Variants in MAGI2 observed in about 807,000 individuals in gnomAD.
MAGI2 encodes the protein membrane associated guanylate kinase, WW and PDZ domain containing 2, also known as membrane-associated guanylate kinase, WW and PDZ domain-containing protein 2.
In MAGI2, 35 loss-of-function variants were observed where a neutral mutation model predicts 133.3. That is an observed-to-expected ratio of 0.26 (90% CI 0.20 to 0.35). The LOEUF (loss-of-function observed/expected upper bound fraction) is 0.35. Among genes scored for constraint, MAGI2 ranks in the 10% least tolerant of loss-of-function variants. The probability of loss-of-function intolerance (pLI) is 1.00; values close to 1 mark genes in which losing one functional copy is unlikely to be tolerated. For missense variants in MAGI2, 1,636 were observed against 1,863.4 expected, an observed-to-expected ratio of 0.88 and a Z score of 2.25; for synonymous variants, 729 against 710.6, an observed-to-expected ratio of 1.03 and a Z score of -0.41.
intron 2 of MAGI2, among the ~76,000 whole-genome samples, chr7:78,640,879 G>A (rs1317136351): frequency 6.6e-6 from 1 of 152,216 alleles, no homozygotes; most frequent in Non-Finnish European, 1.5e-5. Context: ...GATATAGTTT[G>A]GCTGTGTCCC....
chr7:79,053,886 G>A (rs1812903025), intron 1 of MAGI2, among the ~76,000 whole-genome samples: 2 of 152,070 alleles, frequency 1.3e-5, no homozygotes, highest in Non-Finnish European at 2.9e-5. Context: ...GAACTTGTTT[G>A]AATTTTTTGT....
At chr7:78,769,786 C>A (rs779922147) in intron 2 of MAGI2, among the ~76,000 whole-genome samples, 4 of 152,186 alleles carry the variant, frequency 2.6e-5, no homozygotes, top group Non-Finnish European at 5.9e-5. Context: ...AAAGAGTCCC[C>A]ATTACAAATG....
chr7:78,925,292 G>T (rs545298489), intron 2 of MAGI2, among the ~76,000 whole-genome samples: 4 of 152,112 alleles, frequency 2.6e-5, no homozygotes, highest in East Asian at 3.9e-4. Flanking sequence ...AAAGGTAAAT[G>T]ATTTCTGCCT....
Position 78,448,695 on chromosome 7 carries a change from C to G in MAGI2, c.1045+41066G>C, listed in dbSNP as rs552257049. 1.2e-3 allele frequency among the ~76,000 whole-genome samples: 183 copies of G among 152,154 alleles called. 1 individual carries two copies. Among genetic ancestry groups the G allele is most frequent in the African/African-American group, 4.1e-3 (171 of 41,540 alleles). On this transcript the variant is annotated intron_variant, in intron 6 of 21. Transcript: ENST00000354212. Reference sequence around the variant, plus strand: ...GAGACCTTCTCATGTTAGCTCCATTCTCTATATTTTATACAATAATTTAAA... The same window carrying G: ...GAGACCTTCTCATGTTAGCTCCATTGTCTATATTTTATACAATAATTTAAA...
At chr7:78,140,183 A>G (rs966618110) in intron 16 of MAGI2, among the ~76,000 whole-genome samples, 2 of 152,226 alleles carry the variant, frequency 1.3e-5, no homozygotes, top group Admixed American at 1.3e-4. Flanking sequence ...GTCAGTCCCC[A>G]TAAAGAAGAC....
At chr7:79,310,509 T>C (rs917816541) in intron 1 of MAGI2, among the ~76,000 whole-genome samples, 1 of 152,180 alleles carries the variant, frequency 6.6e-6, no homozygotes, top group Non-Finnish European at 1.5e-5. Context: ...GAATTTCTGA[T>C]GTATTTAATT....
chr7:78,851,330 A>G (rs576497342), intron 2 of MAGI2, among the ~76,000 whole-genome samples: 1 of 152,192 alleles, frequency 6.6e-6, no homozygotes, highest in East Asian at 1.9e-4. Flanking sequence ...CGGCAATATT[A>G]ATTTACAGCA....
At chr7:79,355,687 CAGAT>C (rs1841977656) in intron 1 of MAGI2, among the ~76,000 whole-genome samples, 2 of 152,140 alleles carry the variant, frequency 1.3e-5, no homozygotes, top group South Asian at 2.1e-4. Flanking sequence ...ATCAGATAGA[CAGAT>C]AGAAGATAGA....
intron 1 of MAGI2, among the ~76,000 whole-genome samples, chr7:79,295,442 G>C (rs1030332587): frequency 2.6e-5 from 4 of 152,118 alleles, no homozygotes; most frequent in African/African-American, 9.7e-5. Flanking sequence ...ATACAACTTA[G>C]AGATTTTCTT....
chr7:78,533,431 A>T (rs993305756), intron 3 of MAGI2, among the ~76,000 whole-genome samples: 1 of 152,204 alleles, frequency 6.6e-6, no homozygotes, highest in Non-Finnish European at 1.5e-5. Context: ...GGAGAACACA[A>T]AAGAAGAGGA....
chr7:78,991,716 G>A (rs1805806649), intron 2 of MAGI2, among the ~76,000 whole-genome samples: 2 of 151,490 alleles, frequency 1.3e-5, no homozygotes, highest in Admixed American at 6.6e-5. Flanking sequence ...ATTATCTTAG[G>A]CTCTATTTAC....
At chr7:79,174,724 AC>A (rs760188716) in intron 1 of MAGI2, among the ~76,000 whole-genome samples, 10 of 151,828 alleles carry the variant, frequency 6.6e-5, no homozygotes, top group Non-Finnish European at 1.2e-4. Context: ...TATTAAAAAA[AC>A]ACTCATTCTC....
intron 1 of MAGI2, among the ~76,000 whole-genome samples, chr7:79,311,173 T>C (rs1020965341): frequency 6.6e-6 from 1 of 152,144 alleles, no homozygotes; most frequent in Non-Finnish European, 1.5e-5. Flanking sequence ...CTAAAACCAA[T>C]GATCAATTCT....
chr7:78,199,281 T>C (rs1427403676), intron 11 of MAGI2, among the ~76,000 whole-genome samples: 2 of 152,242 alleles, frequency 1.3e-5, no homozygotes, highest in Non-Finnish European at 2.9e-5. Flanking sequence ...TATTGTTATA[T>C]ACTTGTTTTG....
chr7:79,049,506 G>A (rs1812483178), intron 1 of MAGI2, among the ~76,000 whole-genome samples: 1 of 152,080 alleles, frequency 6.6e-6, no homozygotes, highest in Non-Finnish European at 1.5e-5. Flanking sequence ...TACTCTGCCT[G>A]TTTATTACAG....
At chr7:78,204,891 C>T (rs934596801) in intron 10 of MAGI2, among the ~76,000 whole-genome samples, 7 of 152,086 alleles carry the variant, frequency 4.6e-5, no homozygotes, top group African/African-American at 1.2e-4. Flanking sequence ...TAAATAGATG[C>T]GTTTTAATAT....
At chr7:79,166,044 A>AT (rs1232309002) in intron 1 of MAGI2, among the ~76,000 whole-genome samples, 1 of 152,042 alleles carries the variant, frequency 6.6e-6, no homozygotes. Context: ...TCTCAAAAAA[A>AT]TTTTTGAAAT....
intron 1 of MAGI2, among the ~76,000 whole-genome samples, chr7:79,153,380 T>C (rs1823457696): frequency 6.6e-6 from 1 of 152,050 alleles, no homozygotes; most frequent in Admixed American, 6.6e-5. Flanking sequence ...TCTAGCAGGG[T>C]GCAGGCAATA....
At chr7:78,667,806 T>G (rs1358058930) in intron 2 of MAGI2, among the ~76,000 whole-genome samples, 1 of 152,096 alleles carries the variant, frequency 6.6e-6, no homozygotes, top group Non-Finnish European at 1.5e-5. Flanking sequence ...GACATTTGGG[T>G]TGGTTCCAAG....
Sources: gnomAD v4.1 joint callset for allele counts (sites outside exome capture counted in the v4.1 genomes callset) on GRCh38, gnomAD v4.1.1 for gene constraint, MANE v1.5 for transcripts, NCBI Gene and HGNC (gene_info 2026-07-23, HGNC 2026-07-21) for gene names.